LMX1A: variants seen among roughly 807,000 people sequenced by gnomAD.
The protein encoded by LMX1A is LIM homeobox transcription factor 1 alpha.
In LMX1A, 15 loss-of-function variants were observed where a neutral mutation model predicts 49.1. The observed-to-expected ratio is 0.31, with a 90% CI of 0.20 to 0.47. The LOEUF is 0.47. Among genes scored for constraint, LMX1A ranks in the 20% least tolerant of loss-of-function variants. LMX1A has a pLI of 1.00. For synonymous variants in LMX1A, 167 were observed against 185.7 expected, an observed-to-expected ratio of 0.90 and a Z score of 0.82; for missense variants, 372 against 475.8, an observed-to-expected ratio of 0.78 and a Z score of 2.03.
intron 3 of LMX1A, among the ~76,000 whole-genome samples, chr1:165,312,010 A>C (rs965141357): frequency 6.6e-6 from 1 of 152,238 alleles, no homozygotes; most frequent in Non-Finnish European, 1.5e-5. Flanking sequence ...GCAAGAGGCA[A>C]CCACGTACTG....
At chr1:165,299,507 G>A (rs1356117995) in intron 3 of LMX1A, among the ~76,000 whole-genome samples, 5 of 152,032 alleles carry the variant, frequency 3.3e-5, no homozygotes, top group Non-Finnish European at 7.4e-5. Flanking sequence ...AAAGGGGAGG[G>A]AAAACAGAAA....
chr1:165,333,465 T>A (rs2101754568), intron 3 of LMX1A, among the ~76,000 whole-genome samples: 1 of 152,288 alleles, frequency 6.6e-6, no homozygotes, highest in Non-Finnish European at 1.5e-5. Flanking sequence ...GGCCCCCTTT[T>A]CTTCTCAACA....
At chr1:165,298,335 G>C (rs184534146) in intron 3 of LMX1A, among the ~76,000 whole-genome samples, 7 of 152,244 alleles carry the variant, frequency 4.6e-5, no homozygotes, top group Non-Finnish European at 1.0e-4. Context: ...CAGCTGAAAG[G>C]CTTGCAGGCC....
In LMX1A at chr1:165,350,445, CTTTT is replaced by C. The variant is rs138651906; in HGVS notation, c.263+2627_263+2630del. Among the ~76,000 whole-genome samples, 111 of 152,286 alleles carry C rather than the reference CTTTT, an allele frequency of 7.3e-4. No individual in the cohort carries two copies. In the East Asian group the frequency reaches 0.019, roughly 26 times the overall value. On this transcript the variant is annotated intron_variant, in intron 3 of 8. Transcript: ENST00000342310. ...AGCCTCCTGAAGGCAGGCTCTGAGA[CTTTT>C]TCTCATTGTCCTCTCCTCATCTAGC...
intron 3 of LMX1A, among the ~76,000 whole-genome samples, chr1:165,251,515 C>A (rs1234812575): frequency 6.6e-6 from 1 of 151,986 alleles, no homozygotes; most frequent in African/African-American, 2.4e-5. Flanking sequence ...ACTCATACAG[C>A]AGAGGTAAGA....
At chr1:165,348,785 C>T (rs1656327620) in intron 3 of LMX1A, among the ~76,000 whole-genome samples, 3 of 152,164 alleles carry the variant, frequency 2.0e-5, no homozygotes, top group Admixed American at 6.5e-5. Context: ...ATTACTGATG[C>T]TAATAGATAT....
At chr1:165,227,838 T>C (rs1652090743) in intron 4 of LMX1A, among the ~76,000 whole-genome samples, 1 of 152,178 alleles carries the variant, frequency 6.6e-6, no homozygotes, top group Non-Finnish European at 1.5e-5. Context: ...TTTGTTTTTT[T>C]AAAACAAAAG....
chr1:165,256,629 G>A (rs942333333), intron 3 of LMX1A, among the ~76,000 whole-genome samples: 12 of 152,076 alleles, frequency 7.9e-5, no homozygotes, highest in Non-Finnish European at 1.8e-4. Flanking sequence ...TCTATTAATA[G>A]AAGAGTATCA....
At chr1:165,341,877 G>C (rs1263983776) in intron 3 of LMX1A, among the ~76,000 whole-genome samples, 2 of 152,186 alleles carry the variant, frequency 1.3e-5, no homozygotes, top group African/African-American at 4.8e-5. Flanking sequence ...GAATGAATGA[G>C]TGATTTAATT....
intron 4 of LMX1A, among the ~76,000 whole-genome samples, chr1:165,228,260 C>T (rs938668825): frequency 6.6e-6 from 1 of 152,172 alleles, no homozygotes; most frequent in Non-Finnish European, 1.5e-5. Flanking sequence ...ATGGCACCAG[C>T]TCATACCTGA....
intron 3 of LMX1A, among the ~76,000 whole-genome samples, chr1:165,326,378 C>T (rs1310497264): frequency 2.6e-5 from 4 of 152,198 alleles, no homozygotes; most frequent in African/African-American, 4.8e-5. Context: ...TAATATTAAC[C>T]GTAACTGCTT....
At chr1:165,343,527 T>G (rs1428958080) in intron 3 of LMX1A, among the ~76,000 whole-genome samples, 2 of 152,202 alleles carry the variant, frequency 1.3e-5, no homozygotes, top group African/African-American at 2.4e-5. Flanking sequence ...TCTTACATTC[T>G]ATTGTATAGA....
chr1:165,277,302 G>GT (rs1251307330), intron 3 of LMX1A, among the ~76,000 whole-genome samples: 1 of 152,162 alleles, frequency 6.6e-6, no homozygotes, highest in East Asian at 1.9e-4. Flanking sequence ...ACTCGATGAA[G>GT]TTGTCTTGGC....
chr1:165,253,406 C>A (rs776071541), intron 3 of LMX1A, among the ~76,000 whole-genome samples: 2 of 152,108 alleles, frequency 1.3e-5, no homozygotes, highest in Non-Finnish European at 2.9e-5. Flanking sequence ...TGGAAGCTTC[C>A]TGGAAGAAGA....
intron 4 of LMX1A, among the ~76,000 whole-genome samples, chr1:165,245,911 T>C (rs781670524): frequency 2.0e-5 from 3 of 151,892 alleles, no homozygotes; most frequent in Non-Finnish European, 4.4e-5. Context: ...CAGGTTTGTG[T>C]CATCTGTAAA....
At chr1:165,290,794 A>G (rs909462490) in intron 3 of LMX1A, among the ~76,000 whole-genome samples, 5 of 152,204 alleles carry the variant, frequency 3.3e-5, no homozygotes, top group African/African-American at 1.2e-4. Context: ...ACATCACCGG[A>G]GAATTTTTTG....
chr1:165,340,754 T>A (rs566127796), intron 3 of LMX1A, among the ~76,000 whole-genome samples: 1 of 152,342 alleles, frequency 6.6e-6, no homozygotes, highest in Non-Finnish European at 1.5e-5. Flanking sequence ...TCTCATTATC[T>A]GCTTCTGCCT....
chr1:165,339,474 G>A (rs1571231647), intron 3 of LMX1A, among the ~76,000 whole-genome samples: 1 of 152,322 alleles, frequency 6.6e-6, no homozygotes, highest in East Asian at 1.9e-4. Context: ...GCATGGATCA[G>A]GAGCAAAAAC....
intron 3 of LMX1A, among the ~76,000 whole-genome samples, chr1:165,270,233 G>C (rs558544638): frequency 6.6e-6 from 1 of 152,012 alleles, no homozygotes; most frequent in Non-Finnish European, 1.5e-5. Context: ...CAGCTACCTG[G>C]CATGGCTCTG....
Sources: gnomAD v4.1 joint callset for allele counts (sites outside exome capture counted in the v4.1 genomes callset) on GRCh38, gnomAD v4.1.1 for gene constraint, MANE v1.5 for transcripts, NCBI Gene and HGNC (gene_info 2026-07-23, HGNC 2026-07-21) for gene names.